The following ADGRG6 variants were observed in gnomAD, a reference collection of about 807,000 sequenced individuals.
The protein encoded by ADGRG6 is adhesion G protein-coupled receptor G6, also known as G-protein coupled receptor 126.
A neutral mutation model predicts 142.4 loss-of-function variants in ADGRG6; 84 were observed. That is an observed-to-expected ratio of 0.59 (90% CI 0.49 to 0.71). The LOEUF (loss-of-function observed/expected upper bound fraction) is 0.71, where lower values mean the gene tolerates loss of function less well. Ranked by LOEUF, ADGRG6 falls within the 30% of genes least tolerant of loss-of-function variation. The probability of loss-of-function intolerance (pLI) is 0.00; values close to 1 mark genes in which losing one functional copy is unlikely to be tolerated. For synonymous variants in ADGRG6, 521 were observed against 520.5 expected (o/e 1.00, Z -0.01); for missense variants, 1,367 against 1,466.6 (o/e 0.93, Z 1.11).
At chr6:142,358,795 C>T (rs1780576485) in intron 2 of ADGRG6, among the ~76,000 whole-genome samples, 1 of 152,004 alleles carries the variant, frequency 6.6e-6, no homozygotes, top group South Asian at 2.1e-4. Flanking sequence ...GTCCTAACTA[C>T]TCGGGAGGCT....
chr6:142,370,799 T>A lies in ADGRG6; in HGVS notation c.1069+6T>A. On this transcript the variant is annotated splice_donor_region_variant and intron_variant, in intron 4 of 24. Coordinates refer to ENST00000367609, the MANE Select transcript of ADGRG6 (RefSeq NM_198569.3). ...TGAAAGCAACCTAAGCTGTGGTGAG[T>A]TTGTAGCGTATTCCTTTTTTTTTTT... is the stretch of plus-strand genomic sequence containing the variant. 1.9e-6 allele frequency: 3 copies of A among 1,612,852 alleles called. No individual in the cohort carries two copies. The highest frequency in any genetic ancestry group is 2.5e-6 in the Non-Finnish European group (3 of 1,179,580).
In ADGRG6 at chr6:142,443,444, A is replaced by G. The variant is rs773191366; in HGVS notation, c.3682A>G (p.Asn1228Asp). The stretch of plus-strand genomic sequence containing the variant: ...CATTGATAAGGTCAAGGGTTATTGC[A>G]ATGCTCATTCAGACAACTTCTATAA... ...QVIDKVKGYC[N>D]AHSDNFYKNI... is the part of the protein sequence containing the mutation. The change falls in exon 25 of 25, where the codon AAT (asparagine) becomes GAT (aspartate). Residue 1228 changes from asparagine to aspartate, a missense_variant. Transcript: ENST00000367609. 3 of 1,611,500 alleles carry G rather than the reference A, an allele frequency of 1.9e-6. No individual in the cohort carries two copies. The East Asian group carries it at 6.7e-5, about 36-fold the overall frequency.
chr6:142,419,405 A>G (rs142124515), intron 21 of ADGRG6, among the ~76,000 whole-genome samples: 14 of 152,276 alleles, frequency 9.2e-5, no homozygotes, highest in East Asian at 5.8e-4. Flanking sequence ...TTCTACTTCC[A>G]TATCACTTTA....
At chr6:142,432,807 A>C (rs1777276751) in intron 22 of ADGRG6, among the ~76,000 whole-genome samples, 1 of 152,252 alleles carries the variant, frequency 6.6e-6, no homozygotes, top group African/African-American at 2.4e-5. Flanking sequence ...TGAATCTGTG[A>C]CCTCGTTCTT....
chr6:142,418,340 AT>A (rs1274114219), intron 21 of ADGRG6, among the ~76,000 whole-genome samples: 1 of 150,620 alleles, frequency 6.6e-6, no homozygotes, highest in Non-Finnish European at 1.5e-5. Context: ...CCAATCACTT[AT>A]CCAATCTCTG....
intron 2 of ADGRG6, among the ~76,000 whole-genome samples, chr6:142,340,173 A>G (rs1779543923): frequency 6.6e-6 from 1 of 152,242 alleles, no homozygotes; most frequent in Admixed American, 6.5e-5. Flanking sequence ...TAGAAGTGGG[A>G]GTTACTTTAA....
rs866828680 is a variant in ADGRG6 at position 142,344,403 on chromosome 6, A to T, written c.104-23166A>T. Among the ~76,000 whole-genome samples the T allele has an allele frequency of 2.0e-5, 3 of 151,976 alleles. No homozygotes were observed. The South Asian group carries it at 6.2e-4, about 31-fold the overall frequency. ...GTAGCACATCACACAGAACTGTTCT[A>T]GATCATGTCTACTTTGTTGTAAATG... On this transcript the variant is annotated intron_variant, in intron 2 of 24. Transcript: ENST00000367609.
rs773632164 is a variant in ADGRG6, at chr6:142,405,835, A to G, written c.2268+7A>G. ...CAAAACTGGACTTTTCCAGGTAAGC[A>G]CATTCATTAAATTATTGTTTTTCAA... is the stretch of plus-strand genomic sequence containing the variant. On this transcript the variant is annotated splice_region_variant and intron_variant, in intron 15 of 24. Transcript: ENST00000367609. 6.4e-7 allele frequency: 1 copy of G among 1,566,876 alleles called. No individual in the cohort carries two copies. Among genetic ancestry groups the G allele is most frequent in the Admixed American group, 2.0e-5 (1 of 49,910 alleles).
At chr6:142,379,496 G>A (rs1583062238) in intron 4 of ADGRG6, among the ~76,000 whole-genome samples, 1 of 152,156 alleles carries the variant, frequency 6.6e-6, no homozygotes, top group Non-Finnish European at 1.5e-5. Flanking sequence ...GGCCGGGCAC[G>A]GTGGCTCACG....
chr6:142,367,911 G>A lies in ADGRG6; in HGVS notation c.445+1G>A, dbSNP rs745415054. 6.3e-7 allele frequency: 1 copy of A among 1,580,822 alleles called. No individual in the cohort carries two copies. Among genetic ancestry groups the A allele is most frequent in the Admixed American group, 1.7e-5 (1 of 59,098 alleles). On this transcript the variant is annotated splice_donor_variant, in intron 3 of 24. Coordinates refer to ENST00000367609, the MANE Select transcript of ADGRG6 (RefSeq NM_198569.3). LOFTEE classifies it high-confidence loss of function. The stretch of plus-strand genomic sequence containing the variant: ...GGTTTCAATGCCAGCTACATCAGAG[G>A]TATGTAAACCAAAGGCAACGCCAAC...
intron 4 of ADGRG6, among the ~76,000 whole-genome samples, chr6:142,375,290 G>A (rs1253859856): frequency 1.3e-5 from 2 of 152,234 alleles, no homozygotes; most frequent in Non-Finnish European, 2.9e-5. Flanking sequence ...TTGTCAAAAG[G>A]GTACCGTGAA....
At chr6:142,316,883 TC>T (rs961543302) in intron 2 of ADGRG6, among the ~76,000 whole-genome samples, 5 of 152,094 alleles carry the variant, frequency 3.3e-5, no homozygotes, top group African/African-American at 1.2e-4. Flanking sequence ...TCCAGAATTC[TC>T]CTCATCAGAT....
At chr6:142,318,703 G>GA (rs1778368163) in intron 2 of ADGRG6, among the ~76,000 whole-genome samples, 1 of 151,872 alleles carries the variant, frequency 6.6e-6, no homozygotes, top group Non-Finnish European at 1.5e-5. Context: ...TAGAAATGGA[G>GA]AAGGGGGATC....
At chr6:142,380,811 C>T (rs774834873) in intron 4 of ADGRG6, among the ~76,000 whole-genome samples, 10 of 152,314 alleles carry the variant, frequency 6.6e-5, no homozygotes, top group Non-Finnish European at 5.9e-5. Context: ...GTGACGCCAT[C>T]TCCCTTTCAT....
rs1219390465 is a variant in ADGRG6 at position 142,408,287 on chromosome 6, A to G, written c.2388+18A>G. The G allele has an allele frequency of 5.8e-6, 9 of 1,541,256 alleles. No individual in the cohort carries two copies. The highest frequency in any genetic ancestry group is 1.7e-4 in the Middle Eastern group (1 of 5,950). ...GAACTCAGGTAAGAAAACGCTCCCA[A>G]TAGCATTTGGACAGAAGTGGACTAT... On this transcript the variant is annotated intron_variant, in intron 16 of 24. Transcript: ENST00000367609.
At chr6:142,329,500 C>T (rs1382501845) in intron 2 of ADGRG6, among the ~76,000 whole-genome samples, 3 of 152,156 alleles carry the variant, frequency 2.0e-5, no homozygotes, top group Non-Finnish European at 4.4e-5. Context: ...CCATCTTCTG[C>T]AGCCTTTTGC....
chr6:142,308,199 A>G (rs1366199314), intron 1 of ADGRG6, among the ~76,000 whole-genome samples: 4 of 152,004 alleles, frequency 2.6e-5, no homozygotes, highest in Admixed American at 6.6e-5. Context: ...CTTGAAAGGC[A>G]TCGTCTTATG....
intron 22 of ADGRG6, among the ~76,000 whole-genome samples, chr6:142,430,373 C>A (rs1777150788): frequency 6.6e-6 from 1 of 152,164 alleles, no homozygotes; most frequent in African/African-American, 2.4e-5. Context: ...TTCAAAGGGA[C>A]TTTTTAGAGC....
intron 2 of ADGRG6, among the ~76,000 whole-genome samples, chr6:142,336,156 TC>T (rs1779303218): frequency 6.6e-6 from 1 of 152,224 alleles, no homozygotes; most frequent in South Asian, 2.1e-4. Context: ...AGCAGGCAGC[TC>T]AGACTTCTCT....
Sources: allele counts gnomAD v4.1 joint callset (sites outside exome capture counted in the v4.1 genomes callset), GRCh38; gene constraint gnomAD v4.1.1; transcripts MANE v1.5; gene names NCBI Gene and HGNC (gene_info 2026-07-23, HGNC 2026-07-21).